The following PLXNB1 variants were observed in gnomAD, a reference collection of about 807,000 sequenced individuals.
PLXNB1 encodes the protein plexin-B1.
Under a neutral mutation model 209.4 loss-of-function variants are expected in PLXNB1, and 106 were observed. That is an observed-to-expected ratio of 0.51 (90% confidence interval 0.43 to 0.59). The LOEUF (loss-of-function observed/expected upper bound fraction) is 0.59, where lower values mean the gene tolerates loss of function less well. PLXNB1 is among the 20% of genes least tolerant of loss of function. The probability of loss-of-function intolerance (pLI) is 0.00; values close to 1 mark genes in which losing one functional copy is unlikely to be tolerated. For missense variants in PLXNB1, 2,357 were observed against 2,853.2 expected, an observed-to-expected ratio of 0.83 and a Z score of 3.96; for synonymous variants, 1,167 against 1,183.2, an observed-to-expected ratio of 0.99 and a Z score of 0.28.
rs2038160760 is a variant in PLXNB1 at position 48,417,245 on chromosome 3, G to A, written c.3374+666C>T. Among the ~76,000 whole-genome samples, 1 of 152,206 alleles carries A rather than the reference G, an allele frequency of 6.6e-6. No homozygotes were observed. Among genetic ancestry groups the A allele is most frequent in the African/African-American group, 2.4e-5 (1 of 41,452 alleles). On this transcript the variant is annotated intron_variant, in intron 16 of 37. Transcript: ENST00000296440. The surrounding 1 kb of genome is among the most constrained non-coding windows in gnomAD (Gnocchi z 4.4). ...AATACAGATTTGGGGGCCCCACCGT[G>A]GGCCTCCTGAATCCAGATGTTTGTG...
At position 48,429,960 on chromosome 3, in the gene PLXNB1, TC is replaced by T. The variant is rs976839182; in HGVS notation, c.-60+47del. 11 of 152,686 alleles carry T rather than the reference TC, an allele frequency of 7.2e-5. No individual in the cohort carries two copies. The highest frequency in any genetic ancestry group is 2.7e-4 in the African/African-American group (11 of 41,328). The allele number at this position is 152,686 out of a possible 1,614,324, so 9.5% of individuals were successfully genotyped here. On this transcript the variant is annotated intron_variant, in intron 1 of 37. Coordinates refer to ENST00000296440, the MANE Select transcript of PLXNB1 (RefSeq NM_001130082.3). This position sits in a 1 kb window ranked among gnomAD's most constrained non-coding sequence, Gnocchi z 6.4. Reference sequence around the variant, plus strand: ...CTCGCCCCGCGCCCGGAGCTCCCTTTCCCTTCCTTACCCGGCTCCGGTGGTC... The same window carrying T: ...CTCGCCCCGCGCCCGGAGCTCCCTTTCCTTCCTTACCCGGCTCCGGTGGTC...
At position 48,404,360 on chromosome 3, in the gene PLXNB1, G is replaced by T; in HGVS notation, c.*126C>A. 1 of 626,252 alleles carries T rather than the reference G, an allele frequency of 1.6e-6. No homozygotes were observed. The highest frequency in any genetic ancestry group is 2.8e-6 in the Non-Finnish European group (1 of 359,748). 38.8% of individuals were successfully genotyped at this position (626,252 alleles called of 1,614,324 possible). A position where few individuals can be genotyped will look rare whatever the true frequency, so the allele number is the denominator to read the frequency against. On this transcript the variant is annotated 3_prime_UTR_variant, in exon 38 of 38. Transcript: ENST00000296440. ...CCGAGGCCAGAGCCACCAGGAGACT[G>T]GGAGTCACCTTCCACTAACTCTGCT...
At chr3:48,426,892 G>A (rs1420879804) in intron 1 of PLXNB1, among the ~76,000 whole-genome samples, 4 of 152,278 alleles carry the variant, frequency 2.6e-5, no homozygotes, top group Middle Eastern at 6.8e-3. Flanking sequence ...GATGAGGAAA[G>A]AAAGTTTCTT....
chr3:48,424,580 G>T lies in PLXNB1; in HGVS notation c.32C>A (p.Ala11Asp). The change falls in exon 3 of 38, where the codon GCT (alanine) becomes GAT (aspartate). Residue 11 changes from alanine to aspartate, a missense_variant. Ala to Asp is a moderately radical substitution (Grantham distance 126). Transcript: ENST00000296440. Reference protein sequence around the residue: MPALGPALLQALWAGWVLTLQ... With the variant: MPALGPALLQDLWAGWVLTLQ... ...GGTGAGGACCCACCCGGCCCAGAGA[G>T]CCTGGAGAAGAGCTGGGCCCAGAGC... 1 of 1,544,636 alleles carries T rather than the reference G, an allele frequency of 6.5e-7. No individual in the cohort carries two copies.
Position 48,404,271 on chromosome 3 carries a change from G to A in PLXNB1, c.*215C>T. The stretch of plus-strand genomic sequence containing the variant: ...GTGTCACAGGGTCGCTGGACTCGGG[G>A]AGCAGGCTGGGTACTACCCCATGAG... On this transcript the variant is annotated 3_prime_UTR_variant, in exon 38 of 38. Coordinates refer to ENST00000296440, the MANE Select transcript of PLXNB1 (RefSeq NM_001130082.3). 1 of 540,990 alleles carries A rather than the reference G, an allele frequency of 1.8e-6. No individual in the cohort carries two copies. The highest frequency in any genetic ancestry group is 1.9e-5 in the African/African-American group (1 of 52,726). The allele number at this position is 540,990 out of a possible 1,614,324, so 33.5% of individuals were successfully genotyped here. A position where few individuals can be genotyped will look rare whatever the true frequency, so the allele number is the denominator to read the frequency against.
Position 48,419,786 on chromosome 3 carries a change from A to G in PLXNB1, c.2500T>C (p.Ser834Pro). ...AGCCAGTCCAGGGCGGGCTTCACGG[A>G]GCCCATGGCCCCTGGGAAAGTGGTG... ...PATTFPGAMG[S>P]VKPALDWLTR... Residue 834 changes from serine to proline, a missense_variant, in exon 11 of 38, where the codon TCC (serine) becomes CCC (proline). Physicochemically the swap from Ser to Pro is moderately conservative, Grantham distance 74. Transcript: ENST00000296440. This position sits in a 1 kb window ranked among gnomAD's most constrained non-coding sequence, Gnocchi z 5.7. The G allele has an allele frequency of 6.2e-7, 1 of 1,600,820 alleles. No individual in the cohort carries two copies. The highest frequency in any genetic ancestry group is 1.1e-5 in the South Asian group (1 of 89,382).
Position 48,416,057 on chromosome 3 carries a change from C to A in PLXNB1, c.3591G>T (p.Val1197=), listed in dbSNP as rs143760363. The change falls in exon 18 of 38, where the codon GTG becomes GTT. Residue 1197 remains valine, a synonymous_variant. Transcript: ENST00000296440. The surrounding 1 kb of genome is among the most constrained non-coding windows in gnomAD (Gnocchi z 4.1). ...LLTGRLEDIR[V]VVGDQPCHLL... is the part of the protein sequence containing the mutation. The stretch of plus-strand genomic sequence containing the variant: ...AGTGACAAGGCTGGTCTCCAACCAC[C>A]ACTCGGATGTCCTCCAGCCGCCCAG... The A allele has an allele frequency of 2.5e-6, 4 of 1,602,470 alleles. No individual in the cohort carries two copies. In the African/African-American group the frequency reaches 4.0e-5, roughly 16 times the overall value.
rs1262426878 is a variant in PLXNB1 at position 48,419,148 on chromosome 3, C to T, written c.2832+96G>A. The T allele has an allele frequency of 2.6e-6, 4 of 1,561,986 alleles. No homozygotes were observed. The Admixed American group carries it at 7.1e-5, about 28-fold the overall frequency. ...ACAGCTTCTGGGTTGGAGTTGAGCCCTCGGACTCTGCCCTCCTCCTGCTCC... is the reference window on the plus strand; with the variant it reads ...ACAGCTTCTGGGTTGGAGTTGAGCCTTCGGACTCTGCCCTCCTCCTGCTCC... On this transcript the variant is annotated intron_variant, in intron 12 of 37. Transcript: ENST00000296440. The surrounding 1 kb of genome is among the most constrained non-coding windows in gnomAD (Gnocchi z 5.7).
At position 48,418,025 on chromosome 3, in the gene PLXNB1, C is replaced by A. The variant is rs749063237; in HGVS notation, c.3260G>T (p.Arg1087Leu). 1.2e-6 allele frequency: 2 copies of A among 1,613,496 alleles called. No homozygotes were observed. The highest frequency in any genetic ancestry group is 1.3e-5 in the African/African-American group (1 of 75,056). The change falls in exon 16 of 38, where the codon CGT (arginine) becomes CTT (leucine). Residue 1087 changes from arginine to leucine, a missense_variant. Physicochemically the swap from Arg to Leu is moderately radical, Grantham distance 102. This residue lies in a region of PLXNB1 where 743 missense variants were observed against 896.2 expected (regional missense o/e 0.83). Transcript: ENST00000296440. This position sits in a 1 kb window ranked among gnomAD's most constrained non-coding sequence, Gnocchi z 6.6. ...PLTGPVDGGT[R>L]VTIRGSNLGQ... is the part of the protein sequence containing the mutation. ...CAGGTTGGAGCCCCTGATGGTGACA[C>A]GGGTGCCTCCGTCTACAGGCCCAGT...
Position 48,405,589 on chromosome 3 carries a change from C to T in PLXNB1, c.6303+135G>A. 3 of 669,988 alleles carry T rather than the reference C, an allele frequency of 4.5e-6. No individual in the cohort carries two copies. The South Asian group carries it at 5.4e-5, about 12-fold the overall frequency. 41.5% of individuals were successfully genotyped at this position (669,988 alleles called of 1,614,324 possible). ...GCCTGGAAAACACTTCTCAAGCCAC[C>T]AAGGGGCCCGGCCCCCCACTACTCT... On this transcript the variant is annotated intron_variant, in intron 37 of 37. Coordinates refer to ENST00000296440, the MANE Select transcript of PLXNB1 (RefSeq NM_001130082.3). This position sits in a 1 kb window ranked among gnomAD's most constrained non-coding sequence, Gnocchi z 5.0.
rs2038110566 is a variant in PLXNB1 at position 48,416,461 on chromosome 3, C to T, written c.3375-10G>A. 1 of 1,603,586 alleles carries T rather than the reference C, an allele frequency of 6.2e-7. No homozygotes were observed. The highest frequency in any genetic ancestry group is 8.5e-7 in the Non-Finnish European group (1 of 1,172,586). ...GGTGATGCACACGAGGCTGTAGGCA[C>T]AGGGCAGGCTAGGGGGTGCCAGGCT... On this transcript the variant is annotated splice_polypyrimidine_tract_variant and intron_variant, in intron 16 of 37. Coordinates refer to ENST00000296440, the MANE Select transcript of PLXNB1 (RefSeq NM_001130082.3). This position sits in a 1 kb window ranked among gnomAD's most constrained non-coding sequence, Gnocchi z 4.1.
At position 48,418,594 on chromosome 3, in the gene PLXNB1, C is replaced by T. The variant is rs1253283255; in HGVS notation, c.2956-52G>A. ...TCAAGCACTGGGGGAAGTGTCAGGC[C>T]TGGGGAGGGGTTAGTCAGAGAAAGG... On this transcript the variant is annotated intron_variant, in intron 13 of 37. Transcript: ENST00000296440. The surrounding 1 kb of genome is among the most constrained non-coding windows in gnomAD (Gnocchi z 6.6). 3.5e-6 allele frequency: 5 copies of T among 1,430,550 alleles called. No homozygotes were observed. Among genetic ancestry groups the T allele is most frequent in the Non-Finnish European group, 4.8e-6 (5 of 1,042,008 alleles). 88.6% of individuals were successfully genotyped at this position (1,430,550 alleles called of 1,614,324 possible).
In PLXNB1 at chr3:48,405,931, G is replaced by T. The variant is rs968416564; in HGVS notation, c.6229-133C>A. ...TAGAGAATGGGATGGGCACTACAGTGGGAAGCAGAGTCCCCTCCATGGCCC... is the reference window on the plus strand; with the variant it reads ...TAGAGAATGGGATGGGCACTACAGTTGGAAGCAGAGTCCCCTCCATGGCCC... On this transcript the variant is annotated intron_variant, in intron 36 of 37. Transcript: ENST00000296440. The surrounding 1 kb of genome is among the most constrained non-coding windows in gnomAD (Gnocchi z 5.0). The T allele has an allele frequency of 7.3e-6, 5 of 687,722 alleles. No homozygotes were observed. Among genetic ancestry groups the T allele is most frequent in the African/African-American group, 7.1e-5 (4 of 56,736 alleles). The allele number at this position is 687,722 out of a possible 1,614,324, so 42.6% of individuals were successfully genotyped here.
At position 48,406,063 on chromosome 3, in the gene PLXNB1, G is replaced by T; in HGVS notation, c.6229-265C>A. On this transcript the variant is annotated intron_variant, in intron 36 of 37. Transcript: ENST00000296440. The surrounding 1 kb of genome is among the most constrained non-coding windows in gnomAD (Gnocchi z 4.4). ...TCTACCTGCTTCAGCAAGGTCTGGGGTTTCCACTGAAGCCCTGCCTCTCTC... is the reference window on the plus strand; with the variant it reads ...TCTACCTGCTTCAGCAAGGTCTGGGTTTTCCACTGAAGCCCTGCCTCTCTC... The T allele has an allele frequency of 2.5e-6, 1 of 404,670 alleles. No homozygotes were observed. Among genetic ancestry groups the T allele is most frequent in the South Asian group, 2.4e-5 (1 of 41,542 alleles). The allele number at this position is 404,670 out of a possible 1,614,324, so 25.1% of individuals were successfully genotyped here.
chr3:48,414,787 T>C lies in PLXNB1; in HGVS notation c.4209+12A>G, dbSNP rs1260850810. 2 of 1,610,406 alleles carry C rather than the reference T, an allele frequency of 1.2e-6. No individual in the cohort carries two copies. The highest frequency in any genetic ancestry group is 1.7e-5 in the Admixed American group (1 of 59,934). On this transcript the variant is annotated intron_variant, in intron 21 of 37. Transcript: ENST00000296440. ...GTCTCGGGGCCCTGCCAGGTCCAAG[T>C]AGGAGCTGTACCTCCACGGAGAACA...
rs538050356 is a variant in PLXNB1, at chr3:48,416,380, C to G, written c.3446G>C (p.Gly1149Ala). Reference sequence around the variant, plus strand: ...AAAGTCGTGTTCTGAGACACCACGTCCTCTTCCCGGCACCTCCACCGCTGT... The same window carrying G: ...AAAGTCGTGTTCTGAGACACCACGTGCTCTTCCCGGCACCTCCACCGCTGT... ...GATAVEVPGR[G>A]RGVSEHDFAY... The change falls in exon 17 of 38, where the codon GGA becomes GCA. Residue 1149 changes from glycine to alanine, a missense_variant. Physicochemically the swap from Gly to Ala is moderately conservative, Grantham distance 60. Around this residue, in one of 7 missense-constraint regions of PLXNB1, gnomAD observed 743 missense variants for 896.2 expected, o/e 0.83. Coordinates refer to ENST00000296440, the MANE Select transcript of PLXNB1 (RefSeq NM_001130082.3). This position sits in a 1 kb window ranked among gnomAD's most constrained non-coding sequence, Gnocchi z 4.1. 6.2e-7 allele frequency: 1 copy of G among 1,613,122 alleles called. No individual in the cohort carries two copies. Among genetic ancestry groups the G allele is most frequent in the Non-Finnish European group, 8.5e-7 (1 of 1,179,880 alleles).
intron 4 of PLXNB1, 139 bp downstream of exon 4, chr3:48,422,626 C>A (rs1042042451): frequency 1.6e-6 from 2 of 1,223,160 alleles, no homozygotes; most frequent in Non-Finnish European, 2.3e-6. Context: ...CAGGTAAACA[C>A]CACCCAGTCC....
rs2038009187 is a variant in PLXNB1, at chr3:48,415,330, CA to C, written c.3811del (p.Cys1271AlafsTer17). The C allele has an allele frequency of 1.2e-6, 2 of 1,613,326 alleles. No homozygotes were observed. The highest frequency in any genetic ancestry group is 1.3e-5 in the African/African-American group (1 of 74,928). ...KSFLSGGREICVRGQNLDVVQ... is the reference protein window; with the variant it reads ...KSFLSGGREIXVRGQNLDVVQ... Reference sequence around the variant, plus strand: ...CACGTCCAGATTCTGGCCACGGACGCATATCTCACGTCCTCCACTGAAACAG... The same window carrying C: ...CACGTCCAGATTCTGGCCACGGACGCTATCTCACGTCCTCCACTGAAACAG... On this transcript the variant is annotated frameshift_variant, in exon 20 of 38. Transcript: ENST00000296440. LOFTEE classifies it high-confidence loss of function. This position sits in a 1 kb window ranked among gnomAD's most constrained non-coding sequence, Gnocchi z 5.0.
chr3:48,414,890 G>A lies in PLXNB1; in HGVS notation c.4118C>T (p.Ser1373Phe). Residue 1373 changes from serine (S) to phenylalanine (F), a missense_variant, in exon 21 of 38, where the codon TCC becomes TTC. Physicochemically the swap from Ser to Phe is radical, Grantham distance 155 (BLOSUM62 -2). Around this residue, in one of 7 missense-constraint regions of PLXNB1, gnomAD observed 743 missense variants for 896.2 expected, o/e 0.83. Transcript: ENST00000296440. ...CTGCAGGGTGGGGTCGGCCTCATAG[G>A]AGAAAGGTGTGGGGTTCAGTGTTGC... ...DFATLNPTPF[S>F]YEADPTLQPL... is the part of the protein sequence containing the mutation. The A allele has an allele frequency of 6.2e-7, 1 of 1,614,068 alleles. No homozygotes were observed. The highest frequency in any genetic ancestry group is 1.1e-5 in the South Asian group (1 of 91,082).
Sources: gnomAD v4.1 joint callset for allele counts (sites outside exome capture counted in the v4.1 genomes callset) on GRCh38, gnomAD v4.1.1 for gene constraint, gnomAD v4.1.1 regional missense constraint, Gnocchi (gnomAD v3.1) non-coding constraint, MANE v1.5 for transcripts, NCBI Gene and HGNC (gene_info 2026-07-23, HGNC 2026-07-21) for gene names.